The following CSMD3 variants were observed in gnomAD, a reference collection of about 807,000 sequenced individuals.
The protein encoded by CSMD3 is CUB and Sushi multiple domains 3.
A neutral mutation model predicts 435.2 loss-of-function variants in CSMD3; 177 were observed. The ratio of observed to expected loss-of-function variants is 0.41; its 90% CI spans 0.36 to 0.46. The LOEUF is 0.46. Among genes scored for constraint, CSMD3 ranks in the 20% least tolerant of loss-of-function variants. The pLI is 0.34. For missense variants in CSMD3, 4,265 were observed against 4,504.6 expected (o/e 0.95, Z 1.52); for synonymous variants, 1,656 against 1,520.5 (o/e 1.09, Z -2.07).
intron 1 of CSMD3, among the ~76,000 whole-genome samples, chr8:113,399,362 C>A (rs2094499234): frequency 6.6e-6 from 1 of 151,176 alleles, no homozygotes; most frequent in Non-Finnish European, 1.5e-5. Context: ...CACAGAAAAC[C>A]TCGTATGCAA....
At chr8:112,995,638 T>G (rs375731955) in intron 6 of CSMD3, among the ~76,000 whole-genome samples, 1 of 151,548 alleles carries the variant, frequency 6.6e-6, no homozygotes, top group East Asian at 1.9e-4. Flanking sequence ...AATAAATATT[T>G]TAAATATTTT....
At chr8:113,205,521 C>T (rs2092761115) in intron 3 of CSMD3, among the ~76,000 whole-genome samples, 1 of 152,118 alleles carries the variant, frequency 6.6e-6, no homozygotes, top group African/African-American at 2.4e-5. Context: ...GCGATACCAT[C>T]TAGGTTTGTG....
At chr8:113,416,733 T>C (rs2094583206) in intron 1 of CSMD3, among the ~76,000 whole-genome samples, 1 of 152,132 alleles carries the variant, frequency 6.6e-6, no homozygotes, top group Non-Finnish European at 1.5e-5. Flanking sequence ...TATTAGTGAA[T>C]TATAAAGCTT....
At chr8:112,756,684 A>G (rs1342766911) in intron 13 of CSMD3, among the ~76,000 whole-genome samples, 1 of 152,142 alleles carries the variant, frequency 6.6e-6, no homozygotes, top group East Asian at 1.9e-4. Flanking sequence ...ACTACGTTAG[A>G]ATGAAAAATG....
chr8:112,691,324 C>A (rs941049406), intron 13 of CSMD3, among the ~76,000 whole-genome samples: 3 of 152,034 alleles, frequency 2.0e-5, no homozygotes, highest in Non-Finnish European at 4.4e-5. Context: ...TTTTCTTCTG[C>A]TCTTCATATC....
At chr8:112,969,670 A>G (rs1221769779) in intron 7 of CSMD3, among the ~76,000 whole-genome samples, 1 of 152,138 alleles carries the variant, frequency 6.6e-6, no homozygotes, top group Admixed American at 6.5e-5. Context: ...ATAAAAAATA[A>G]TAATTATTAT....
At chr8:112,952,850 A>G (rs1014038656) in intron 8 of CSMD3, among the ~76,000 whole-genome samples, 5 of 151,578 alleles carry the variant, frequency 3.3e-5, no homozygotes, top group African/African-American at 1.2e-4. Context: ...AATATTTCTT[A>G]AACAAGATAT....
chr8:112,948,147 T>C (rs2083680967), intron 8 of CSMD3, among the ~76,000 whole-genome samples: 1 of 151,964 alleles, frequency 6.6e-6, no homozygotes, highest in South Asian at 2.1e-4. Flanking sequence ...CTTTTGTTTT[T>C]AGTTTCCATC....
chr8:112,263,034 A>T (rs1009553961), intron 61 of CSMD3, among the ~76,000 whole-genome samples: 3 of 152,070 alleles, frequency 2.0e-5, no homozygotes, highest in African/African-American at 7.2e-5. Flanking sequence ...AATGTTCTAG[A>T]ATCATTTATG....
At chr8:112,947,578 C>G (rs1440771625) in intron 9 of CSMD3, among the ~76,000 whole-genome samples, 1 of 151,474 alleles carries the variant, frequency 6.6e-6, no homozygotes, top group Non-Finnish European at 1.5e-5. Context: ...AGAAATTAAT[C>G]ATTTAAACTA....
chr8:112,622,075 C>A (rs1445748892), intron 22 of CSMD3, among the ~76,000 whole-genome samples: 1 of 152,088 alleles, frequency 6.6e-6, no homozygotes, highest in Non-Finnish European at 1.5e-5. Flanking sequence ...TGTGTGAATT[C>A]CGATTGGGAA....
chr8:112,777,838 A>C (rs910558139), intron 13 of CSMD3, among the ~76,000 whole-genome samples: 2 of 151,826 alleles, frequency 1.3e-5, no homozygotes, highest in African/African-American at 4.8e-5. Context: ...CACTGGCCAG[A>C]ATATGTTGCT....
chr8:113,126,575 T>C (rs1459182371), intron 4 of CSMD3, among the ~76,000 whole-genome samples: 1 of 151,862 alleles, frequency 6.6e-6, no homozygotes, highest in Non-Finnish European at 1.5e-5. Flanking sequence ...CATTAATAAA[T>C]GCAATTTTGA....
intron 22 of CSMD3, among the ~76,000 whole-genome samples, chr8:112,592,418 T>C (rs1258287831): frequency 6.6e-6 from 1 of 152,034 alleles, no homozygotes; most frequent in East Asian, 1.9e-4. Context: ...GGCAAACTAG[T>C]GCTACTGAAA....
chr8:112,866,285 C>CT (rs1181178666), intron 10 of CSMD3, among the ~76,000 whole-genome samples: 1 of 152,038 alleles, frequency 6.6e-6, no homozygotes, highest in African/African-American at 2.4e-5. Flanking sequence ...TAGATCTCAG[C>CT]TTTTTTTAAC....
chr8:112,729,850 C>T (rs1482540902), intron 13 of CSMD3, among the ~76,000 whole-genome samples: 1 of 152,018 alleles, frequency 6.6e-6, no homozygotes, highest in Non-Finnish European at 1.5e-5. Flanking sequence ...TTACAAAGCC[C>T]CTAGAGGGAG....
At chr8:112,637,034 CG>C in intron 21 of CSMD3, 29 bp from the exon 22 acceptor site, 2 of 1,575,292 alleles carry the variant, frequency 1.3e-6, no homozygotes, top group Non-Finnish European at 1.7e-6. Context: ...AATTTCCCCG[CG>C]GGGGAGGAAA....
At chr8:113,186,041 T>A (rs1050497228) in intron 3 of CSMD3, among the ~76,000 whole-genome samples, 5 of 151,982 alleles carry the variant, frequency 3.3e-5, no homozygotes, top group Non-Finnish European at 7.4e-5. Flanking sequence ...AGGAGCCTGA[T>A]CAGATTCAGC....
chr8:112,285,429 T>A (rs773612987), intron 58 of CSMD3, among the ~76,000 whole-genome samples: 40 of 152,098 alleles, frequency 2.6e-4, no homozygotes, highest in African/African-American at 9.4e-4. Context: ...TTATTAAAAC[T>A]GACCCAGTTA....
Sources: allele counts gnomAD v4.1 joint callset (sites outside exome capture counted in the v4.1 genomes callset), GRCh38; gene constraint gnomAD v4.1.1; transcripts MANE v1.5; gene names NCBI Gene and HGNC (gene_info 2026-07-23, HGNC 2026-07-21).